AK7: variants seen among roughly 807,000 people sequenced by gnomAD.
AK7 encodes the protein ATP-AMP transphosphorylase 7.
AK7 carries 78 observed loss-of-function variants against 96.6 expected under a neutral mutation model. The observed-to-expected ratio is 0.81, with a 90% CI of 0.67 to 0.97. The LOEUF (loss-of-function observed/expected upper bound fraction) is 0.97, where lower values mean the gene tolerates loss of function less well. Among genes scored for constraint, AK7 ranks in the 50% least tolerant of loss-of-function variants. The pLI, the probability that AK7 is intolerant of heterozygous loss-of-function variation, is 0.00. For synonymous variants in AK7, 302 were observed against 317.2 expected, an observed-to-expected ratio of 0.95 and a Z score of 0.51; for missense variants, 855 against 887.9, an observed-to-expected ratio of 0.96 and a Z score of 0.47.
intron 12 of AK7, among the ~76,000 whole-genome samples, chr14:96,460,885 G>C (rs1319238797): frequency 2.0e-5 from 3 of 152,150 alleles, no homozygotes; most frequent in Non-Finnish European, 4.4e-5. Flanking sequence ...TGAAGGCCAG[G>C]TTAGCCCTGA....
chr14:96,399,875 C>G lies in AK7; in HGVS notation c.294+1612C>G, dbSNP rs1566757281. Among the ~76,000 whole-genome samples, 1 of 152,060 alleles carries G rather than the reference C, an allele frequency of 6.6e-6. No homozygotes were observed. Among genetic ancestry groups the G allele is most frequent in the Non-Finnish European group, 1.5e-5 (1 of 68,022 alleles). Reference sequence around the variant, plus strand: ...TGACCTTCCTAAATCTTATCCAACCCTATAGCTTCAGCTCCCCATATAGCC... The same window carrying G: ...TGACCTTCCTAAATCTTATCCAACCGTATAGCTTCAGCTCCCCATATAGCC... On this transcript the variant is annotated intron_variant, in intron 2 of 17. Transcript: ENST00000267584. This position sits in a 1 kb window ranked among gnomAD's most constrained non-coding sequence, Gnocchi z 4.1.
chr14:96,456,511 T>G, intron 11 of AK7, 36 bp downstream of exon 11: 2 of 1,602,088 alleles, frequency 1.2e-6, no homozygotes, highest in Non-Finnish European at 1.7e-6. Context: ...GCATTTTAAT[T>G]AATTACTGTA....
chr14:96,434,181 G>A (rs747251028), intron 5 of AK7, among the ~76,000 whole-genome samples: 10 of 152,214 alleles, frequency 6.6e-5, no homozygotes, highest in Non-Finnish European at 1.3e-4. Context: ...GTCTGGGCTT[G>A]TTTGTACCTG....
rs1223752186 is a variant in AK7, at chr14:96,401,616, G to A, written c.295-3141G>A. Among the ~76,000 whole-genome samples, 3 of 152,226 alleles carry A rather than the reference G, an allele frequency of 2.0e-5. No homozygotes were observed. In the South Asian group the frequency reaches 6.2e-4, roughly 31 times the overall value. ...CACAAAGGTGGCAGAAAAGGTGGGG[G>A]AGAGTGCTCGCTTCAGCGGCACATA... On this transcript the variant is annotated intron_variant, in intron 2 of 17. Coordinates refer to ENST00000267584, the MANE Select transcript of AK7 (RefSeq NM_152327.5).
At chr14:96,400,485 A>G (rs1890346623) in intron 2 of AK7, among the ~76,000 whole-genome samples, 1 of 152,220 alleles carries the variant, frequency 6.6e-6, no homozygotes, top group African/African-American at 2.4e-5. Flanking sequence ...TCATCAGCTT[A>G]TGTAGCTAGT....
intron 1 of AK7, among the ~76,000 whole-genome samples, chr14:96,392,990 C>T (rs1489964602): frequency 1.3e-5 from 2 of 152,082 alleles, no homozygotes; most frequent in Non-Finnish European, 2.9e-5. Flanking sequence ...TTTATATTGC[C>T]CATGAAGCGT....
At position 96,408,690 on chromosome 14, in the gene AK7, G is replaced by A. The variant is rs184369654; in HGVS notation, c.404-157G>A. On this transcript the variant is annotated intron_variant, in intron 3 of 17. Coordinates refer to ENST00000267584, the MANE Select transcript of AK7 (RefSeq NM_152327.5). Reference sequence around the variant, plus strand: ...GGATACAGGTAGCGAGAAAGCAGGGGGAATTTGAAGAACGGTGATGGGAAC... The same window carrying A: ...GGATACAGGTAGCGAGAAAGCAGGGAGAATTTGAAGAACGGTGATGGGAAC... 3.3e-5 allele frequency among the ~76,000 whole-genome samples: 5 copies of A among 152,312 alleles called. No homozygotes were observed. The East Asian group carries it at 9.6e-4, about 29-fold the overall frequency.
intron 1 of AK7, among the ~76,000 whole-genome samples, chr14:96,397,172 A>G (rs1890129471): frequency 3.3e-5 from 5 of 152,264 alleles, no homozygotes; most frequent in Admixed American, 1.3e-4. Flanking sequence ...AAATAAAAAT[A>G]AAATATCTCA....
chr14:96,420,653 G>A lies in AK7; in HGVS notation c.499-169G>A, dbSNP rs370250908. 6.6e-5 allele frequency among the ~76,000 whole-genome samples: 10 copies of A among 152,152 alleles called. No homozygotes were observed. In the East Asian group the frequency reaches 9.6e-4, roughly 15 times the overall value. ...GCAGGAGGATTGCTTGAGCCCAAGAGTTCAAGACCAGCCTGGGCAACACAG... is the reference window on the plus strand; with the variant it reads ...GCAGGAGGATTGCTTGAGCCCAAGAATTCAAGACCAGCCTGGGCAACACAG... On this transcript the variant is annotated intron_variant, in intron 4 of 17. Coordinates refer to ENST00000267584, the MANE Select transcript of AK7 (RefSeq NM_152327.5).
intron 10 of AK7, among the ~76,000 whole-genome samples, chr14:96,454,580 G>A (rs925664436): frequency 6.6e-6 from 1 of 151,934 alleles, no homozygotes; most frequent in African/African-American, 2.4e-5. Flanking sequence ...CTGGGCTTAA[G>A]CACTCCTCCT....
chr14:96,394,910 A>C lies in AK7; in HGVS notation c.105+2651A>C, dbSNP rs573130328. Among the ~76,000 whole-genome samples, 13 of 152,164 alleles carry C rather than the reference A, an allele frequency of 8.5e-5. No homozygotes were observed. The East Asian group carries it at 2.5e-3, about 29-fold the overall frequency. On this transcript the variant is annotated intron_variant, in intron 1 of 17. Transcript: ENST00000267584. Reference sequence around the variant, plus strand: ...AGAATCATTTGAACCTGGGAGACAGAGTTTGCAGTGAGCCGAGATCACACC... The same window carrying C: ...AGAATCATTTGAACCTGGGAGACAGCGTTTGCAGTGAGCCGAGATCACACC...
At chr14:96,472,837 T>A in intron 14 of AK7, 82 bp downstream of exon 14, 2 of 1,208,480 alleles carry the variant, frequency 1.7e-6, no homozygotes, top group South Asian at 1.3e-5. Context: ...ATCTCAGAAC[T>A]TTGGGAGGCC....
In AK7 at chr14:96,452,103, T is replaced by A. The variant is rs981934934; in HGVS notation, c.1098+533T>A. ...TTATCACAACTTTTCAAGGTAGATATTCTTTTTTAAAAAAGTAATTAATTG... is the reference window on the plus strand; with the variant it reads ...TTATCACAACTTTTCAAGGTAGATAATCTTTTTTAAAAAAGTAATTAATTG... On this transcript the variant is annotated intron_variant, in intron 10 of 17. Coordinates refer to ENST00000267584, the MANE Select transcript of AK7 (RefSeq NM_152327.5). Among the ~76,000 whole-genome samples the A allele has an allele frequency of 3.3e-5, 5 of 152,204 alleles. No individual in the cohort carries two copies. In the South Asian group the frequency reaches 1.0e-3, roughly 31 times the overall value.
In AK7 at chr14:96,472,745, A is replaced by T. The variant is rs1894966475; in HGVS notation, c.1545A>T (p.Leu515Phe). The T allele has an allele frequency of 1.2e-6, 2 of 1,611,458 alleles. No homozygotes were observed. The highest frequency in any genetic ancestry group is 2.2e-5 in the South Asian group (2 of 91,028). ...VRGRMFPFDKLIIPEFVCALD... is the reference protein window; with the variant it reads ...VRGRMFPFDKFIIPEFVCALD... ...GCAGAATGTTTCCCTTTGATAAATT[A>T]ATTATACCTGGTAAGTTTATTTCCC... Residue 515 changes from leucine to phenylalanine, a missense_variant, in exon 14 of 18, where the codon TTA becomes TTT. Leu to Phe is a conservative substitution (Grantham distance 22, BLOSUM62 0). Coordinates refer to ENST00000267584, the MANE Select transcript of AK7 (RefSeq NM_152327.5).
chr14:96,411,032 C>T (rs1011684595), intron 4 of AK7, among the ~76,000 whole-genome samples: 3 of 151,990 alleles, frequency 2.0e-5, no homozygotes, highest in East Asian at 1.9e-4. Flanking sequence ...GTATTGTATA[C>T]GGTTAAGTTA....
chr14:96,404,701 A>G, intron 2 of AK7, 56 bp from the exon 3 acceptor site: 1 of 1,192,348 alleles, frequency 8.4e-7, no homozygotes, highest in Non-Finnish European at 1.2e-6. Context: ...TCATTGAAAT[A>G]TGAAGGTTAC....
At chr14:96,475,974 C>T (rs1895152978) in intron 14 of AK7, among the ~76,000 whole-genome samples, 1 of 84,886 alleles carries the variant, frequency 1.2e-5, no homozygotes, top group Non-Finnish European at 2.2e-5. Context: ...GAGACCCTGT[C>T]TCTTAAAAAA....
At chr14:96,460,140 C>T (rs1302341753) in intron 12 of AK7, among the ~76,000 whole-genome samples, 3 of 152,168 alleles carry the variant, frequency 2.0e-5, no homozygotes, top group African/African-American at 7.2e-5. Context: ...AAGTCTGTTC[C>T]AATCAAATAA....
intron 4 of AK7, among the ~76,000 whole-genome samples, chr14:96,417,439 G>A (rs894646085): frequency 2.6e-5 from 4 of 152,192 alleles, no homozygotes; most frequent in Admixed American, 6.5e-5. Context: ...TGTGCAATAT[G>A]TATTCACTAG....
Sources: gnomAD v4.1 joint callset for allele counts (sites outside exome capture counted in the v4.1 genomes callset) on GRCh38, gnomAD v4.1.1 for gene constraint, Gnocchi (gnomAD v3.1) non-coding constraint, MANE v1.5 for transcripts, NCBI Gene and HGNC (gene_info 2026-07-23, HGNC 2026-07-21) for gene names.